The following GNAO1 variants were observed in gnomAD, a reference collection of about 807,000 sequenced individuals.
GNAO1 encodes guanine nucleotide-binding protein G(o) subunit alpha.
For synonymous variants in GNAO1, 164 were observed against 180.7 expected (o/e 0.91, Z 0.74); for missense variants, 166 against 478.7 (o/e 0.35, Z 6.10).
chr16:56,205,037 A>T (rs2036314717), intron 2 of GNAO1, among the ~76,000 whole-genome samples: 1 of 152,222 alleles, frequency 6.6e-6, no homozygotes, highest in Non-Finnish European at 1.5e-5. Flanking sequence ...ATTATAAAAA[A>T]AATTAAGCTT....
chr16:56,329,683 A>C (rs1426602859), intron 4 of GNAO1, among the ~76,000 whole-genome samples: 2 of 152,202 alleles, frequency 1.3e-5, no homozygotes, highest in African/African-American at 4.8e-5. Flanking sequence ...GTACCCATAC[A>C]TTCAGTGGGG....
intron 2 of GNAO1, among the ~76,000 whole-genome samples, chr16:56,197,274 TATTTCTGCAGTC>T (rs1311489071): frequency 6.6e-6 from 1 of 152,254 alleles, no homozygotes; most frequent in African/African-American, 2.4e-5. Flanking sequence ...GTAGACTTGT[TATTTCTGCAGTC>T]ATCTCAATGG....
chr16:56,301,925 G>C (rs1360612529), intron 3 of GNAO1: 1 of 152,178 alleles, frequency 6.6e-6, no homozygotes, highest in Non-Finnish European at 1.5e-5. Flanking sequence ...TAATAGGCCT[G>C]CTCCCAAATG....
chr16:56,319,958 G>T (rs1288305582), intron 3 of GNAO1, among the ~76,000 whole-genome samples: 1 of 152,158 alleles, frequency 6.6e-6, no homozygotes, highest in African/African-American at 2.4e-5. Context: ...CATCTCCACT[G>T]TGGCAGCTTT....
intron 2 of GNAO1, among the ~76,000 whole-genome samples, chr16:56,199,459 C>T (rs569682373): frequency 6.6e-6 from 1 of 152,308 alleles, no homozygotes; most frequent in South Asian, 2.1e-4. Flanking sequence ...GTGGAGACAG[C>T]CCTAGCGTTC....
rs2143710065 is a variant in GNAO1 at position 56,357,219 on chromosome 16, T to C, written c.*1145T>C. On this transcript the variant is annotated 3_prime_UTR_variant, in exon 9 of 9. Coordinates refer to ENST00000262493, the MANE Select transcript of GNAO1 (RefSeq NM_020988.3). ...CTTAATCTTTGCTGAAGAAGACCAG[T>C]CACAGCCATTTCAAATAAAGAGGAG... is the stretch of plus-strand genomic sequence containing the variant. 6.8e-6 allele frequency: 1 copy of C among 147,184 alleles called. No individual in the cohort carries two copies. The highest frequency in any genetic ancestry group is 2.5e-5 in the African/African-American group (1 of 39,386). 9.1% of individuals were successfully genotyped at this position (147,184 alleles called of 1,614,324 possible).
chr16:56,226,993 C>T (rs1371035077), intron 2 of GNAO1, among the ~76,000 whole-genome samples: 1 of 152,138 alleles, frequency 6.6e-6, no homozygotes, highest in African/African-American at 2.4e-5. Flanking sequence ...GAAGTAATCA[C>T]AGAATGGTTG....
intron 3 of GNAO1, among the ~76,000 whole-genome samples, chr16:56,298,218 A>G (rs2037307254): frequency 6.6e-6 from 1 of 152,202 alleles, no homozygotes. Context: ...GATCTTCCGT[A>G]TGTGCAGACA....
At chr16:56,243,731 T>C (rs1335147994) in intron 2 of GNAO1, among the ~76,000 whole-genome samples, 5 of 152,182 alleles carry the variant, frequency 3.3e-5, no homozygotes, top group Non-Finnish European at 5.9e-5. Context: ...ATAGTGATGG[T>C]TGTACATATC....
chr16:56,327,502 A>G (rs2037647291), intron 3 of GNAO1, among the ~76,000 whole-genome samples: 1 of 152,020 alleles, frequency 6.6e-6, no homozygotes. Context: ...CTGAGGACGG[A>G]GTGTGTTCAC....
chr16:56,329,450 C>A (rs1309009355), intron 4 of GNAO1, among the ~76,000 whole-genome samples: 1 of 152,186 alleles, frequency 6.6e-6, no homozygotes, highest in Non-Finnish European at 1.5e-5. Flanking sequence ...GTGCTCCCGG[C>A]TCTTCCCATC....
At chr16:56,342,256 A>G (rs2037813483) in intron 6 of GNAO1, among the ~76,000 whole-genome samples, 1 of 152,190 alleles carries the variant, frequency 6.6e-6, no homozygotes, top group South Asian at 2.1e-4. Flanking sequence ...GAGGCTGAGT[A>G]GTCAGCTGCA....
At chr16:56,355,675 A>G (rs2037961311) in intron 8 of GNAO1, 1 of 152,246 alleles carries the variant, frequency 6.6e-6, no homozygotes, top group South Asian at 2.1e-4. Flanking sequence ...ATTTAGAAGA[A>G]TCATTGCTCC....
intron 5 of GNAO1, among the ~76,000 whole-genome samples, chr16:56,335,780 T>A (rs1234883190): frequency 1.3e-5 from 2 of 151,942 alleles, no homozygotes; most frequent in African/African-American, 4.8e-5. Flanking sequence ...CAAGGCGGGG[T>A]CTGAGAATAA....
chr16:56,218,351 C>T (rs1481704077), intron 2 of GNAO1, among the ~76,000 whole-genome samples: 1 of 152,202 alleles, frequency 6.6e-6, no homozygotes, highest in Non-Finnish European at 1.5e-5. Context: ...GACCATCACC[C>T]ACCAGTCTTT....
chr16:56,326,124 G>A lies in GNAO1; in HGVS notation c.304-2507G>A, dbSNP rs530456170. Among the ~76,000 whole-genome samples the A allele has an allele frequency of 7.9e-5, 12 of 152,310 alleles. No individual in the cohort carries two copies. Among genetic ancestry groups the A allele is most frequent in the Non-Finnish European group, 1.5e-4 (10 of 68,032 alleles). The stretch of plus-strand genomic sequence containing the variant: ...CAGGGTCCAGCACACTCCTGTCCTG[G>A]CCCTGTGTTCCCAGCCATGCCTCTT... On this transcript the variant is annotated intron_variant, in intron 3 of 8. Transcript: ENST00000262493. This position sits in a 1 kb window ranked among gnomAD's most constrained non-coding sequence, Gnocchi z 4.8.
intron 2 of GNAO1, among the ~76,000 whole-genome samples, chr16:56,211,181 T>C (rs766310776): frequency 9.9e-5 from 15 of 152,180 alleles, no homozygotes; most frequent in Non-Finnish European, 1.8e-4. Flanking sequence ...GAACACCTGT[T>C]ATTTACAATG....
rs1379265091 is a variant in GNAO1 at position 56,191,564 on chromosome 16, G to C, written c.-672G>C. On this transcript the variant is annotated 5_prime_UTR_variant, in exon 1 of 9. Coordinates refer to ENST00000262493, the MANE Select transcript of GNAO1 (RefSeq NM_020988.3). The surrounding 1 kb of genome is among the most constrained non-coding windows in gnomAD (Gnocchi z 4.7). ...TCCCTCTCTCTCCGGTAGGCTCACC[G>C]AGCGATGCGAGCTCTGGGAGACAGC... The C allele has an allele frequency of 2.0e-5, 3 of 151,924 alleles. No individual in the cohort carries two copies. In the East Asian group the frequency reaches 5.9e-4, roughly 30 times the overall value. The allele number at this position is 151,924 out of a possible 1,614,324, so 9.4% of individuals were successfully genotyped here.
In GNAO1 at chr16:56,326,238, G is replaced by T. The variant is rs1596866176; in HGVS notation, c.304-2393G>T. Among the ~76,000 whole-genome samples, 1 of 152,186 alleles carries T rather than the reference G, an allele frequency of 6.6e-6. No homozygotes were observed. Among genetic ancestry groups the T allele is most frequent in the African/African-American group, 2.4e-5 (1 of 41,438 alleles). On this transcript the variant is annotated intron_variant, in intron 3 of 8. Coordinates refer to ENST00000262493, the MANE Select transcript of GNAO1 (RefSeq NM_020988.3). This position sits in a 1 kb window ranked among gnomAD's most constrained non-coding sequence, Gnocchi z 4.8. Reference sequence around the variant, plus strand: ...GGCGGGCAGTAGTCACTAGGCAGGGGTGTTCTCAGGACCTGCTAGGATTCA... The same window carrying T: ...GGCGGGCAGTAGTCACTAGGCAGGGTTGTTCTCAGGACCTGCTAGGATTCA...
Sources: allele counts gnomAD v4.1 joint callset (sites outside exome capture counted in the v4.1 genomes callset), GRCh38; gene constraint gnomAD v4.1.1; non-coding constraint Gnocchi (gnomAD v3.1); transcripts MANE v1.5; gene names NCBI Gene and HGNC (gene_info 2026-07-23, HGNC 2026-07-21).